TMEM69: variants seen among roughly 807,000 people sequenced by gnomAD.
TMEM69 encodes transmembrane protein 69.
A neutral mutation model predicts 15.8 loss-of-function variants in TMEM69; 17 were observed. The observed-to-expected ratio is 1.07, with a 90% CI of 0.73 to 1.61. The LOEUF is 1.61. Ranked by LOEUF, TMEM69 falls within the 40% of genes most tolerant of loss-of-function variation. The probability of loss-of-function intolerance (pLI) is 0.00; values close to 1 mark genes in which losing one functional copy is unlikely to be tolerated. For synonymous variants in TMEM69, 80 were observed against 98.6 expected (o/e 0.81, Z 1.12); for missense variants, 230 against 286.1 (o/e 0.80, Z 1.41).
intron 1 of TMEM69, 82 bp downstream of exon 1, chr1:45,688,357 AATT>A (rs1645316530): frequency 6.6e-6 from 1 of 152,014 alleles, no homozygotes; most frequent in Non-Finnish European, 1.5e-5. Context: ...GTTGGTAGTA[AATT>A]GGAGACGCGG....
At position 45,693,770 on chromosome 1, in the gene TMEM69, CTTACCACAT is replaced by C. The variant is rs763051768; in HGVS notation, c.611_619del (p.Leu204_His206del). 3.7e-6 allele frequency: 6 copies of C among 1,614,084 alleles called. No individual in the cohort carries two copies. The East Asian group carries it at 1.3e-4, about 36-fold the overall frequency. ...TAGCATTCCACCTTGAACTTTTTCT[CTTACCACAT>C]TATCCCAACTGGTTTAAAGCCCTGA... On this transcript the variant is annotated inframe_deletion, in exon 3 of 3. Coordinates refer to ENST00000372025, the MANE Select transcript of TMEM69 (RefSeq NM_016486.4).
At position 45,693,627 on chromosome 1, in the gene TMEM69, A is replaced by C. The variant is rs748942923; in HGVS notation, c.466A>C (p.Lys156Gln). The change falls in exon 3 of 3, where the codon AAA becomes CAA. Residue 156 changes from lysine to glutamine, a missense_variant. Coordinates refer to ENST00000372025, the MANE Select transcript of TMEM69 (RefSeq NM_016486.4). ...TGCTCTACCAGAAGGTAGTCCAGCC[A>C]AACCAGACTACCTTAATTTAGCTAG... Reference protein sequence around the residue: ...GFALPEGSPAKPDYLNLASSA... With the variant: ...GFALPEGSPAQPDYLNLASSA... 6.2e-7 allele frequency: 1 copy of C among 1,614,220 alleles called. No homozygotes were observed. The highest frequency in any genetic ancestry group is 8.5e-7 in the Non-Finnish European group (1 of 1,180,044).
chr1:45,694,211 C>CT lies in TMEM69; in HGVS notation c.*313dup. 2 of 513,164 alleles carry CT rather than the reference C, an allele frequency of 3.9e-6. No homozygotes were observed. Among genetic ancestry groups the CT allele is most frequent in the Non-Finnish European group, 6.9e-6 (2 of 291,672 alleles). 31.8% of individuals were successfully genotyped at this position (513,164 alleles called of 1,614,324 possible). On this transcript the variant is annotated 3_prime_UTR_variant, in exon 3 of 3. Transcript: ENST00000372025. The stretch of plus-strand genomic sequence containing the variant: ...TACACCTTTTTCTACTTCTGTTTGG[C>CT]TTTTTTTCCCCACACCAATGGTAAT...
At chr1:45,691,458 G>A (rs950984794) in intron 2 of TMEM69, among the ~76,000 whole-genome samples, 5 of 151,708 alleles carry the variant, frequency 3.3e-5, no homozygotes, top group Non-Finnish European at 5.9e-5. Flanking sequence ...GAGGAGGATC[G>A]CTTGAGCCCA....
At position 45,693,259 on chromosome 1, in the gene TMEM69, C is replaced by G. The variant is rs774230495; in HGVS notation, c.98C>G (p.Ser33Cys). 5 of 1,614,006 alleles carry G rather than the reference C, an allele frequency of 3.1e-6. No homozygotes were observed. Among genetic ancestry groups the G allele is most frequent in the African/African-American group, 1.3e-5 (1 of 74,926 alleles). ...AGAACCAGCAGAACAGATATACTTT[C>G]TCTCAAGATGTCTCTCCAGCAAAAC... ...GLRTSRTDIL[S>C]LKMSLQQNFS... Residue 33 changes from serine (S) to cysteine (C), a missense_variant, in exon 3 of 3, where the codon TCT becomes TGT. Physicochemically the swap from Ser to Cys is moderately radical, Grantham distance 112. Transcript: ENST00000372025.
rs541941938 is a variant in TMEM69, at chr1:45,691,684, T to C, written c.42+574T>C. 4.7e-5 allele frequency among the ~76,000 whole-genome samples: 7 copies of C among 148,936 alleles called. No individual in the cohort carries two copies. In the South Asian group the frequency reaches 1.3e-3, roughly 27 times the overall value. On this transcript the variant is annotated intron_variant, in intron 2 of 2. Coordinates refer to ENST00000372025, the MANE Select transcript of TMEM69 (RefSeq NM_016486.4). ...TAAAACCCTTGTCTCCACGGAAAAATACAAAAATTAGCTCAGCATGGTGGT... is the reference window on the plus strand; with the variant it reads ...TAAAACCCTTGTCTCCACGGAAAAACACAAAAATTAGCTCAGCATGGTGGT...
At position 45,693,867 on chromosome 1, in the gene TMEM69, T is replaced by C. The variant is rs901103428; in HGVS notation, c.706T>C (p.Phe236Leu). 4 of 1,610,584 alleles carry C rather than the reference T, an allele frequency of 2.5e-6. No homozygotes were observed. Among genetic ancestry groups the C allele is most frequent in the Non-Finnish European group, 3.4e-6 (4 of 1,179,286 alleles). The change falls in exon 3 of 3, where the codon TTT (phenylalanine) becomes CTT (leucine). Residue 236 changes from phenylalanine (F) to leucine (L), a missense_variant. Coordinates refer to ENST00000372025, the MANE Select transcript of TMEM69 (RefSeq NM_016486.4). ...AATCACTTTAGTAGTTAAAAGTAGTTTTCCAGAAAAAGGACATAAGAGACC... is the reference window on the plus strand; with the variant it reads ...AATCACTTTAGTAGTTAAAAGTAGTCTTCCAGAAAAAGGACATAAGAGACC... The part of the protein sequence containing the change: ...FIITLVVKSS[F>L]PEKGHKRPGQ...
In TMEM69 at chr1:45,689,865, G is replaced by A. The variant is rs187285280; in HGVS notation, c.-95-1109G>A. On this transcript the variant is annotated intron_variant, in intron 1 of 2. Transcript: ENST00000372025. The stretch of plus-strand genomic sequence containing the variant: ...AAAAAAATTGGCTGGGCATGGTGGC[G>A]TGGCCTGTAGTCCCAGCTCCTTAGA... Among the ~76,000 whole-genome samples, 19 of 151,848 alleles carry A rather than the reference G, an allele frequency of 1.3e-4. No individual in the cohort carries two copies. The East Asian group carries it at 3.3e-3, about 26-fold the overall frequency.
intron 1 of TMEM69, among the ~76,000 whole-genome samples, chr1:45,688,650 A>G (rs967137333): frequency 3.3e-5 from 5 of 152,176 alleles, no homozygotes; most frequent in African/African-American, 9.6e-5. Context: ...GGGATGGTTG[A>G]GATTTTAAAT....
chr1:45,688,912 T>A (rs1205652594), intron 1 of TMEM69, among the ~76,000 whole-genome samples: 2 of 151,408 alleles, frequency 1.3e-5, no homozygotes, highest in African/African-American at 2.4e-5. Flanking sequence ...GATTTTTTTT[T>A]TTTTTTTTTG....
At chr1:45,692,858 A>G (rs1645353691) in intron 2 of TMEM69, among the ~76,000 whole-genome samples, 1 of 152,224 alleles carries the variant, frequency 6.6e-6, no homozygotes, top group Non-Finnish European at 1.5e-5. Context: ...TAAATAAAAG[A>G]GGCAGTTTAG....
Position 45,694,010 on chromosome 1 carries a change from G to A in TMEM69, c.*105G>A. 1 of 718,416 alleles carries A rather than the reference G, an allele frequency of 1.4e-6. No homozygotes were observed. The highest frequency in any genetic ancestry group is 2.8e-5 in the East Asian group (1 of 36,332). The allele number at this position is 718,416 out of a possible 1,614,324, so 44.5% of individuals were successfully genotyped here. ...GGCCGCCTGACCATCTGGGAAGTGT[G>A]ACAAGCGCCTCTGCCCGGCCGCTGT... On this transcript the variant is annotated 3_prime_UTR_variant, in exon 3 of 3. Coordinates refer to ENST00000372025, the MANE Select transcript of TMEM69 (RefSeq NM_016486.4).
chr1:45,691,239 T>C, intron 2 of TMEM69, 129 bp downstream of exon 2: 1 of 796,830 alleles, frequency 1.3e-6, no homozygotes, highest in Non-Finnish European at 2.1e-6. Context: ...TTAAGTAAAA[T>C]ACAAGTAAGT....
intron 2 of TMEM69, among the ~76,000 whole-genome samples, chr1:45,691,340 C>G (rs1368318775): frequency 6.6e-6 from 1 of 151,944 alleles, no homozygotes; most frequent in Non-Finnish European, 1.5e-5. Flanking sequence ...CACTTGAGCT[C>G]AAGGAGTTCA....
In TMEM69 at chr1:45,693,383, G is replaced by A; in HGVS notation, c.222G>A (p.Gln74=). 6.2e-7 allele frequency: 1 copy of A among 1,614,132 alleles called. No individual in the cohort carries two copies. The highest frequency in any genetic ancestry group is 8.5e-7 in the Non-Finnish European group (1 of 1,180,032). ...CATCCCCCTGCAGCTTTAAAAAGCAGCAGAAGCAAGCACTTCTAGCCAGAC... is the reference window on the plus strand; with the variant it reads ...CATCCCCCTGCAGCTTTAAAAAGCAACAGAAGCAAGCACTTCTAGCCAGAC... ...YHTSPCSFKK[Q]QKQALLARPS... is the part of the protein sequence containing the mutation. The change falls in exon 3 of 3, where the codon CAG becomes CAA. Residue 74 remains glutamine, a synonymous_variant. Transcript: ENST00000372025.
chr1:45,693,968 G>A lies in TMEM69; in HGVS notation c.*63G>A. On this transcript the variant is annotated 3_prime_UTR_variant, in exon 3 of 3. Transcript: ENST00000372025. ...CCAGCTGCTGCCCCGTCTGGGAAGT[G>A]AGGAGCGCCTCTGCCTGGCCGCCTG... The A allele has an allele frequency of 5.1e-6, 6 of 1,171,094 alleles. No homozygotes were observed. The highest frequency in any genetic ancestry group is 7.1e-6 in the Non-Finnish European group (6 of 848,708). 72.5% of individuals were successfully genotyped at this position (1,171,094 alleles called of 1,614,324 possible).
At chr1:45,692,950 GA>G (rs1252517865) in intron 2 of TMEM69, among the ~76,000 whole-genome samples, 1 of 152,158 alleles carries the variant, frequency 6.6e-6, no homozygotes, top group Non-Finnish European at 1.5e-5. Flanking sequence ...GTGGTAGGTT[GA>G]AATATATCAC....
At chr1:45,689,215 T>C (rs1206862134) in intron 1 of TMEM69, among the ~76,000 whole-genome samples, 1 of 151,874 alleles carries the variant, frequency 6.6e-6, no homozygotes, top group African/African-American at 2.4e-5. Flanking sequence ...GCCCAATCGA[T>C]TTTTTAAAAT....
intron 1 of TMEM69, 54 bp from the exon 2 acceptor site, chr1:45,690,920 A>G (rs981435878): frequency 1.1e-5 from 8 of 753,338 alleles, no homozygotes; most frequent in Non-Finnish European, 1.8e-5. Flanking sequence ...ACTACTATTT[A>G]AAAATTAATG....
Sources: gnomAD v4.1 joint callset for allele counts (sites outside exome capture counted in the v4.1 genomes callset) on GRCh38, gnomAD v4.1.1 for gene constraint, MANE v1.5 for transcripts, NCBI Gene and HGNC (gene_info 2026-07-23, HGNC 2026-07-21) for gene names.